SV2B: variants seen among roughly 807,000 people sequenced by gnomAD.
SV2B encodes solute carrier family 22 member B2.
In SV2B, 41 loss-of-function variants were observed where a neutral mutation model predicts 73.9. The observed-to-expected ratio is 0.56, with a 90% CI of 0.43 to 0.72. SV2B has a LOEUF of 0.72. SV2B is among the 30% of genes least tolerant of loss of function. The pLI is 0.00. For missense variants in SV2B, 764 were observed against 857.8 expected (o/e 0.89, Z 1.37); for synonymous variants, 314 against 314.2 (o/e 1.00, Z 0.01).
At chr15:91,157,537 C>T (rs146132113) in intron 1 of SV2B, among the ~76,000 whole-genome samples, 108 of 152,268 alleles carry the variant, frequency 7.1e-4, no homozygotes, top group African/African-American at 2.5e-3. Flanking sequence ...GAAACAAATG[C>T]TTTTGCTGCT....
rs539727489 is a variant in SV2B, at chr15:91,239,694, A to T, written c.452-12125A>T. Among the ~76,000 whole-genome samples, 4 of 152,270 alleles carry T rather than the reference A, an allele frequency of 2.6e-5. No homozygotes were observed. The South Asian group carries it at 8.3e-4, about 32-fold the overall frequency. On this transcript the variant is annotated intron_variant, in intron 2 of 12. Coordinates refer to ENST00000394232, the MANE Select transcript of SV2B (RefSeq NM_001323032.3). The surrounding 1 kb of genome is among the most constrained non-coding windows in gnomAD (Gnocchi z 5.1). ...TATGGTTTCTTTTTTAGAAGGCAGC[A>T]TGTGTATAGGGTGCATTTGGCTTCT...
chr15:91,183,039 C>T (rs1414239479), intron 1 of SV2B, among the ~76,000 whole-genome samples: 2 of 152,070 alleles, frequency 1.3e-5, no homozygotes, highest in African/African-American at 4.8e-5. Flanking sequence ...TCATGGAGTG[C>T]GTATTCTAAG....
At position 91,259,550 on chromosome 15, in the gene SV2B, C is replaced by T. The variant is rs747429424; in HGVS notation, c.919-770C>T. ...GCTGCTGTAGCAAAATGCCACAAAC[C>T]GAGTGACTTAAAAGGACAAATTTAT... is the stretch of plus-strand genomic sequence containing the variant. On this transcript the variant is annotated intron_variant, in intron 5 of 12. Transcript: ENST00000394232. 3.3e-4 allele frequency among the ~76,000 whole-genome samples: 51 copies of T among 152,260 alleles called. 1 individual carries two copies. The highest frequency in any genetic ancestry group is 5.8e-4 in the East Asian group (3 of 5,186).
rs1375431368 is a variant in SV2B, at chr15:91,137,381, A to C, written c.-392+37018A>C. 2.0e-5 allele frequency among the ~76,000 whole-genome samples: 3 copies of C among 151,948 alleles called. No individual in the cohort carries two copies. Among genetic ancestry groups the C allele is most frequent in the South Asian group, 2.1e-4 (1 of 4,822 alleles). ...GGGTGGCTTCAAAGCGTTTACCACAAAGCTATTATTTATTTTTAACTTATA... is the reference window on the plus strand; with the variant it reads ...GGGTGGCTTCAAAGCGTTTACCACACAGCTATTATTTATTTTTAACTTATA... On this transcript the variant is annotated intron_variant, in intron 1 of 12. Transcript: ENST00000394232. This position sits in a 1 kb window ranked among gnomAD's most constrained non-coding sequence, Gnocchi z 4.9.
chr15:91,278,636 G>A (rs932627187), intron 9 of SV2B, among the ~76,000 whole-genome samples: 83 of 98,462 alleles, frequency 8.4e-4, no homozygotes, highest in African/African-American at 4.6e-3. Context: ...CCGAGATTGC[G>A]CCACTGCAGT....
At chr15:91,150,928 A>G (rs1841819200) in intron 1 of SV2B, among the ~76,000 whole-genome samples, 1 of 152,156 alleles carries the variant, frequency 6.6e-6, no homozygotes, top group Non-Finnish European at 1.5e-5. Flanking sequence ...CTCCTGGGCT[A>G]GACTTTCCTC....
At chr15:91,225,536 AT>A (rs1200351013) in intron 1 of SV2B, among the ~76,000 whole-genome samples, 2 of 151,794 alleles carry the variant, frequency 1.3e-5, no homozygotes, top group African/African-American at 4.8e-5. Flanking sequence ...ATTTTATTTT[AT>A]TTTTTTATTA....
intron 1 of SV2B, among the ~76,000 whole-genome samples, chr15:91,114,796 C>T (rs1447697210): frequency 1.3e-5 from 2 of 152,114 alleles, no homozygotes; most frequent in South Asian, 2.1e-4. Flanking sequence ...TGGGAGTGCT[C>T]GTGTATTGAC....
Position 91,296,844 on chromosome 15 carries a change from G to C in SV2B, c.*4292G>C, listed in dbSNP as rs114435168. On this transcript the variant is annotated 3_prime_UTR_variant, in exon 13 of 13. Coordinates refer to ENST00000394232, the MANE Select transcript of SV2B (RefSeq NM_001323032.3). ...CGCTGGGCTCACGCTCCTTCTGCCC[G>C]ATCTTGGGCGCACGCTCCTTCTGCC... 1.4e-5 allele frequency: 2 copies of C among 147,406 alleles called. No homozygotes were observed. The highest frequency in any genetic ancestry group is 1.4e-4 in the Admixed American group (2 of 14,492). The allele number at this position is 147,406 out of a possible 1,614,324, so 9.1% of individuals were successfully genotyped here. A position where few individuals can be genotyped will look rare whatever the true frequency, so the allele number is the denominator to read the frequency against.
Position 91,118,739 on chromosome 15 carries a change from C to T in SV2B, c.-392+18376C>T, listed in dbSNP as rs2042246289. Among the ~76,000 whole-genome samples the T allele has an allele frequency of 6.6e-6, 1 of 152,228 alleles. No homozygotes were observed. On this transcript the variant is annotated intron_variant, in intron 1 of 12. Coordinates refer to ENST00000394232, the MANE Select transcript of SV2B (RefSeq NM_001323032.3). This position sits in a 1 kb window ranked among gnomAD's most constrained non-coding sequence, Gnocchi z 4.7. Reference sequence around the variant, plus strand: ...TCAGACAGCCCAGTCCAAACCAGAGCCATGCCAGGGAGGGACATCTCTCTG... The same window carrying T: ...TCAGACAGCCCAGTCCAAACCAGAGTCATGCCAGGGAGGGACATCTCTCTG...
Position 91,232,581 on chromosome 15 carries a change from A to G in SV2B, c.451+5867A>G, listed in dbSNP as rs2046621293. ...CTGAGAGTGCTTCTAGAGGAGCGGA[A>G]TTTTGAGGATGAGTTGTCTGAATTG... On this transcript the variant is annotated intron_variant, in intron 2 of 12. Coordinates refer to ENST00000394232, the MANE Select transcript of SV2B (RefSeq NM_001323032.3). The surrounding 1 kb of genome is among the most constrained non-coding windows in gnomAD (Gnocchi z 4.7). Among the ~76,000 whole-genome samples, 1 of 152,166 alleles carries G rather than the reference A, an allele frequency of 6.6e-6. No individual in the cohort carries two copies. Among genetic ancestry groups the G allele is most frequent in the African/African-American group, 2.4e-5 (1 of 41,444 alleles).
chr15:91,116,495 C>G (rs980466629), intron 1 of SV2B, among the ~76,000 whole-genome samples: 1 of 152,114 alleles, frequency 6.6e-6, no homozygotes, highest in African/African-American at 2.4e-5. Context: ...CTCTGCATCC[C>G]GTGCAGAACG....
In SV2B at chr15:91,241,304, G is replaced by A. The variant is rs2047002630; in HGVS notation, c.452-10515G>A. On this transcript the variant is annotated intron_variant, in intron 2 of 12. Transcript: ENST00000394232. The surrounding 1 kb of genome is among the most constrained non-coding windows in gnomAD (Gnocchi z 4.8). ...CCTTGCACCTCTCTTACTCTGCTGT[G>A]TTCCCCACCCCTGGTTGCATCCGAC... Among the ~76,000 whole-genome samples, 1 of 152,120 alleles carries A rather than the reference G, an allele frequency of 6.6e-6. No individual in the cohort carries two copies. Among genetic ancestry groups the A allele is most frequent in the South Asian group, 2.1e-4 (1 of 4,826 alleles).
At chr15:91,114,881 A>G (rs2042135449) in intron 1 of SV2B, among the ~76,000 whole-genome samples, 2 of 152,078 alleles carry the variant, frequency 1.3e-5, no homozygotes, top group Non-Finnish European at 2.9e-5. Context: ...TTGCTAATCA[A>G]TGGGCTATTT....
In SV2B at chr15:91,292,667, T is replaced by A; in HGVS notation, c.*115T>A. ...ACCTTGGATAGCACGGGAGGAGAAG[T>A]TGACTTTGTGACCCCTAGTTTAGGA... On this transcript the variant is annotated 3_prime_UTR_variant, in exon 13 of 13. Transcript: ENST00000394232. The A allele has an allele frequency of 7.5e-7, 1 of 1,326,830 alleles. No individual in the cohort carries two copies. Among genetic ancestry groups the A allele is most frequent in the South Asian group, 1.6e-5 (1 of 63,046 alleles). The allele number at this position is 1,326,830 out of a possible 1,614,324, so 82.2% of individuals were successfully genotyped here. A position where few individuals can be genotyped will look rare whatever the true frequency, so the allele number is the denominator to read the frequency against.
At chr15:91,221,763 G>A (rs1407856081) in intron 1 of SV2B, among the ~76,000 whole-genome samples, 3 of 151,494 alleles carry the variant, frequency 2.0e-5, no homozygotes, top group Non-Finnish European at 4.4e-5. Context: ...TTTCATTGCC[G>A]TTAGATTTTT....
At chr15:91,114,927 T>C (rs1189297779) in intron 1 of SV2B, among the ~76,000 whole-genome samples, 1 of 152,182 alleles carries the variant, frequency 6.6e-6, no homozygotes, top group Non-Finnish European at 1.5e-5. Flanking sequence ...CTCCAGCCAT[T>C]TTCTAGCTTT....
chr15:91,112,999 A>AT (rs2042079072), intron 1 of SV2B, among the ~76,000 whole-genome samples: 1 of 152,004 alleles, frequency 6.6e-6, no homozygotes. Context: ...TATTAAATTA[A>AT]TTTTTTTCTT....
rs2047868844 is a variant in SV2B, at chr15:91,260,428, G to C, written c.1008+19G>C. On this transcript the variant is annotated intron_variant, in intron 6 of 12. Coordinates refer to ENST00000394232, the MANE Select transcript of SV2B (RefSeq NM_001323032.3). ...GTTCACGGTGAGTGTGGGGTTGCCT[G>C]CCAATAAGAAGGGGGTTCTCCTCTT... 6.3e-7 allele frequency: 1 copy of C among 1,579,926 alleles called. No individual in the cohort carries two copies. Among genetic ancestry groups the C allele is most frequent in the Non-Finnish European group, 8.6e-7 (1 of 1,165,182 alleles).
Sources: gnomAD v4.1 joint callset for allele counts (sites outside exome capture counted in the v4.1 genomes callset) on GRCh38, gnomAD v4.1.1 for gene constraint, Gnocchi (gnomAD v3.1) non-coding constraint, MANE v1.5 for transcripts, NCBI Gene and HGNC (gene_info 2026-07-23, HGNC 2026-07-21) for gene names.